CEMIP: variants seen among roughly 807,000 people sequenced by gnomAD.
CEMIP encodes the protein cell migration inducing hyaluronidase 1.
CEMIP carries 105 observed loss-of-function variants against 156.9 expected under a neutral mutation model. That is an observed-to-expected ratio of 0.67 (90% CI 0.57 to 0.79). The LOEUF is 0.79. CEMIP is among the 30% of genes least tolerant of loss of function. The pLI is 0.00. For synonymous variants in CEMIP, 676 were observed against 668.4 expected, an observed-to-expected ratio of 1.01 and a Z score of -0.17; for missense variants, 1,457 against 1,769.4, an observed-to-expected ratio of 0.82 and a Z score of 3.17.
intron 1 of CEMIP, among the ~76,000 whole-genome samples, chr15:80,811,589 C>G (rs559987465): frequency 6.6e-6 from 1 of 152,240 alleles, no homozygotes; most frequent in Non-Finnish European, 1.5e-5. Flanking sequence ...GAGTCTCACT[C>G]TCTTACCCAG....
chr15:80,904,472 T>C (rs946578094), intron 12 of CEMIP, among the ~76,000 whole-genome samples: 2 of 152,218 alleles, frequency 1.3e-5, no homozygotes, highest in Non-Finnish European at 2.9e-5. Flanking sequence ...TCAGTACCCA[T>C]GAATGTTAGC....
chr15:80,858,484 C>T (rs1349932455), intron 1 of CEMIP, among the ~76,000 whole-genome samples: 3 of 150,938 alleles, frequency 2.0e-5, no homozygotes, highest in Non-Finnish European at 4.4e-5. Flanking sequence ...GAGGCCAAGG[C>T]GGATGGATCA....
chr15:80,805,356 G>A (rs1896489362), intron 1 of CEMIP, among the ~76,000 whole-genome samples: 1 of 152,214 alleles, frequency 6.6e-6, no homozygotes, highest in South Asian at 2.1e-4. Context: ...TTACAAAGCA[G>A]ACATGCAAAC....
At chr15:80,888,364 T>G (rs906106306) in intron 8 of CEMIP, among the ~76,000 whole-genome samples, 1 of 152,006 alleles carries the variant, frequency 6.6e-6, no homozygotes, top group Non-Finnish European at 1.5e-5. Context: ...AGATGGGCCT[T>G]CAGGACACAG....
chr15:80,826,871 T>A (rs917102055), intron 1 of CEMIP, among the ~76,000 whole-genome samples: 1 of 152,212 alleles, frequency 6.6e-6, no homozygotes, highest in Non-Finnish European at 1.5e-5. Context: ...TGTTCCCTGA[T>A]GGGTTTGAGT....
At chr15:80,840,668 G>A (rs1004044656) in intron 1 of CEMIP, among the ~76,000 whole-genome samples, 17 of 152,224 alleles carry the variant, frequency 1.1e-4, no homozygotes, top group East Asian at 1.9e-4. Context: ...GGCCCGAGGC[G>A]TGGGAGGCCG....
Position 80,805,319 on chromosome 15 carries a change from C to T in CEMIP, c.-176+25705C>T, listed in dbSNP as rs375059548. On this transcript the variant is annotated intron_variant, in intron 1 of 29. Coordinates refer to ENST00000394685, the MANE Select transcript of CEMIP (RefSeq NM_001293298.2). ...TGATTATGAGTGTTTTGAAAACCTG[C>T]CCCTTCCTGCCCGCCCGGGACAATA... 4.6e-5 allele frequency among the ~76,000 whole-genome samples: 7 copies of T among 152,282 alleles called. No individual in the cohort carries two copies. The South Asian group carries it at 8.3e-4, about 18-fold the overall frequency.
intron 8 of CEMIP, 136 bp from the exon 9 acceptor site, chr15:80,888,564 CT>C: frequency 1.4e-6 from 1 of 690,694 alleles, no homozygotes; most frequent in Non-Finnish European, 2.6e-6. Context: ...TCCTAATTTT[CT>C]TTTATTTACT....
At chr15:80,817,402 C>T (rs947540698) in intron 1 of CEMIP, among the ~76,000 whole-genome samples, 1 of 151,896 alleles carries the variant, frequency 6.6e-6, no homozygotes, top group South Asian at 2.1e-4. Context: ...CAAGACCAGT[C>T]TGAGCAACAC....
intron 1 of CEMIP, among the ~76,000 whole-genome samples, chr15:80,779,989 C>T (rs1233378840): frequency 2.0e-5 from 3 of 151,760 alleles, no homozygotes; most frequent in East Asian, 2.0e-4. Flanking sequence ...AGTGTCTCGC[C>T]GAGGAGGGAG....
At chr15:80,898,516 T>C (rs935140228) in intron 12 of CEMIP, among the ~76,000 whole-genome samples, 4 of 152,196 alleles carry the variant, frequency 2.6e-5, no homozygotes, top group Non-Finnish European at 4.4e-5. Context: ...TCTGCTCCTT[T>C]GGGACATGCA....
chr15:80,835,196 CCTT>C (rs1168768706), intron 1 of CEMIP, among the ~76,000 whole-genome samples: 106 of 152,312 alleles, frequency 7.0e-4, no homozygotes, highest in African/African-American at 2.5e-3. Context: ...CTCCTGCCCT[CCTT>C]CTTCCTATCT....
At chr15:80,910,827 C>T (rs1161802447) in intron 14 of CEMIP, among the ~76,000 whole-genome samples, 4 of 152,212 alleles carry the variant, frequency 2.6e-5, no homozygotes, top group Non-Finnish European at 5.9e-5. Context: ...CACATGAAGG[C>T]TGATTCTCCC....
intron 14 of CEMIP, among the ~76,000 whole-genome samples, chr15:80,910,258 T>G (rs1449864955): frequency 6.6e-6 from 1 of 152,216 alleles, no homozygotes. Flanking sequence ...CCTCCCTGCA[T>G]GGCAACAATG....
At chr15:80,793,049 A>G (rs183436458) in intron 1 of CEMIP, among the ~76,000 whole-genome samples, 13 of 152,328 alleles carry the variant, frequency 8.5e-5, no homozygotes, top group Non-Finnish European at 1.9e-4. Context: ...AATACAGTTT[A>G]AGAAGTGTAA....
chr15:80,876,670 A>G (rs771720046), intron 3 of CEMIP, among the ~76,000 whole-genome samples: 29 of 152,224 alleles, frequency 1.9e-4, no homozygotes, highest in Non-Finnish European at 1.9e-4. Flanking sequence ...TGCTTTGCAG[A>G]GAAGAGAAGG....
At chr15:80,929,945 C>T (rs1900843834) in intron 21 of CEMIP, among the ~76,000 whole-genome samples, 1 of 152,164 alleles carries the variant, frequency 6.6e-6, no homozygotes. Flanking sequence ...CCTTGGAAAA[C>T]CACAGGCTGG....
intron 1 of CEMIP, among the ~76,000 whole-genome samples, chr15:80,795,541 T>C (rs772469035): frequency 6.6e-6 from 1 of 151,914 alleles, no homozygotes; most frequent in Non-Finnish European, 1.5e-5. Flanking sequence ...AGGTGGATGT[T>C]AGGAAGACTA....
chr15:80,865,803 C>T (rs922993019), intron 1 of CEMIP, among the ~76,000 whole-genome samples: 8 of 152,234 alleles, frequency 5.3e-5, no homozygotes, highest in South Asian at 2.1e-4. Context: ...TTTACTCTTA[C>T]GTTAAATCTC....
Sources: allele counts gnomAD v4.1 joint callset (sites outside exome capture counted in the v4.1 genomes callset), GRCh38; gene constraint gnomAD v4.1.1; transcripts MANE v1.5; gene names NCBI Gene and HGNC (gene_info 2026-07-23, HGNC 2026-07-21).